Variants in FRMPD4 observed in about 807,000 individuals in gnomAD.
FRMPD4 encodes the protein FERM and PDZ domain containing 4, also known as FERM and PDZ domain-containing protein 4.
A neutral mutation model predicts 94.1 loss-of-function variants in FRMPD4; 22 were observed. The ratio of observed to expected loss-of-function variants is 0.23; its 90% CI spans 0.17 to 0.33. FRMPD4 has a LOEUF of 0.33. FRMPD4 is among the 10% of genes least tolerant of loss of function. The pLI is 1.00. For missense variants in FRMPD4, 1,111 were observed against 1,339.9 expected (o/e 0.83, Z 2.67); for synonymous variants, 631 against 548.6 (o/e 1.15, Z -2.10).
chrX:12,079,230 C>T (rs1174916962), intron 3 of FRMPD4, among the ~76,000 whole-genome samples: 2 of 110,495 alleles, frequency 1.8e-5, no homozygotes, highest in Non-Finnish European at 3.8e-5. Flanking sequence ...GGTATTGTAG[C>T]ACCAGAAGCC....
At chrX:12,020,649 C>T (rs999411902) in intron 3 of FRMPD4, among the ~76,000 whole-genome samples, 3 of 112,200 alleles carry the variant, frequency 2.7e-5, no homozygotes, top group African/African-American at 9.7e-5. Context: ...AATTGAGTTA[C>T]ATATGTATGT....
intron 1 of FRMPD4, among the ~76,000 whole-genome samples, chrX:12,229,410 A>G (rs898231103): frequency 9.0e-6 from 1 of 111,650 alleles, no homozygotes; most frequent in African/African-American, 3.3e-5. Context: ...GCCAACTATG[A>G]AGGACCCAGT....
chrX:12,673,742 C>T (rs1226556016), intron 4 of FRMPD4, among the ~76,000 whole-genome samples: 1 of 111,683 alleles, frequency 9.0e-6, no homozygotes, highest in Non-Finnish European at 1.9e-5. Context: ...TTCCTGCCCC[C>T]ACCAGCACCA....
intron 1 of FRMPD4, among the ~76,000 whole-genome samples, chrX:12,395,171 G>A (rs1250155114): frequency 8.9e-6 from 1 of 112,276 alleles, no homozygotes; most frequent in African/African-American, 3.2e-5. Context: ...AATTGGTTAA[G>A]CTCTGTTCAC....
chrX:12,686,873 C>G (rs140104882), intron 7 of FRMPD4, among the ~76,000 whole-genome samples: 1 of 111,747 alleles, frequency 8.9e-6, no homozygotes, highest in African/African-American at 3.2e-5. Flanking sequence ...TACAGAGTCT[C>G]TTCCTTTTAT....
At chrX:12,124,282 T>C (rs1321231218) in intron 3 of FRMPD4, among the ~76,000 whole-genome samples, 1 of 112,194 alleles carries the variant, frequency 8.9e-6, no homozygotes, top group African/African-American at 3.2e-5. Flanking sequence ...CTTATAAAAG[T>C]TGAAAATATG....
chrX:12,024,163 T>C (rs751532159), intron 3 of FRMPD4, among the ~76,000 whole-genome samples: 272 of 112,199 alleles, frequency 2.4e-3, no homozygotes, highest in Non-Finnish European at 3.9e-3. Context: ...AGATTGTCTT[T>C]TTTTAGTTCT....
At chrX:12,164,050 T>TTA (rs1569175742) in intron 1 of FRMPD4, among the ~76,000 whole-genome samples, 1 of 111,532 alleles carries the variant, frequency 9.0e-6, no homozygotes, top group East Asian at 2.8e-4. Flanking sequence ...TAGTTTTTTT[T>TTA]TTATTATTAT....
chrX:12,541,744 G>A (rs1360032139), intron 2 of FRMPD4, among the ~76,000 whole-genome samples: 1 of 111,836 alleles, frequency 8.9e-6, no homozygotes, highest in Non-Finnish European at 1.9e-5. Flanking sequence ...ATTTTATGAG[G>A]CCAGCATCAT....
chrX:11,932,328 T>C (rs1372095035), intron 3 of FRMPD4, among the ~76,000 whole-genome samples: 4 of 112,147 alleles, frequency 3.6e-5, no homozygotes, highest in Non-Finnish European at 7.5e-5. Flanking sequence ...TAATTCTTCA[T>C]TCGTAAATCA....
chrX:12,024,125 A>T (rs1403430629), intron 3 of FRMPD4, among the ~76,000 whole-genome samples: 2 of 111,920 alleles, frequency 1.8e-5, no homozygotes, highest in African/African-American at 3.2e-5. Flanking sequence ...TCTTTTATCT[A>T]TAATCTGTAC....
chrX:12,467,054 T>C (rs1040703191), intron 1 of FRMPD4, among the ~76,000 whole-genome samples: 2 of 111,478 alleles, frequency 1.8e-5, no homozygotes, highest in African/African-American at 6.5e-5. Flanking sequence ...GTGTCTGCTA[T>C]ATGAGTGCAT....
intron 1 of FRMPD4, among the ~76,000 whole-genome samples, chrX:12,438,191 T>A (rs2057091569): frequency 9.0e-6 from 1 of 110,780 alleles, no homozygotes; most frequent in Admixed American, 9.7e-5. Flanking sequence ...GGAAACTATT[T>A]CCACAATTTT....
chrX:11,828,663 T>A (rs2053457796), intron 1 of FRMPD4, among the ~76,000 whole-genome samples: 1 of 112,132 alleles, frequency 8.9e-6, no homozygotes, highest in Admixed American at 9.4e-5. Context: ...CCTACAGGAT[T>A]GCTAGCCCAC....
chrX:12,708,235 G>T (rs1370812537), intron 13 of FRMPD4, among the ~76,000 whole-genome samples: 1 of 110,746 alleles, frequency 9.0e-6, no homozygotes, highest in East Asian at 2.8e-4. Context: ...ACTTTGGGAG[G>T]CCGAGGCGGG....
intron 3 of FRMPD4, among the ~76,000 whole-genome samples, chrX:11,887,113 A>G (rs1043502621): frequency 1.2e-4 from 14 of 112,072 alleles, no homozygotes; most frequent in Non-Finnish European, 2.4e-4. Context: ...AACTTCTTCA[A>G]TCTTGGCCTT....
rs1161415925 is a variant in FRMPD4 at position 12,458,923 on chromosome X, A to AAATG, written c.42-39741_42-39738dup. Among the ~76,000 whole-genome samples the AAATG allele has an allele frequency of 9.4e-3, 1,050 of 111,866 alleles. 11 individuals are homozygous for AAATG. The highest frequency in any genetic ancestry group is 0.033 in the African/African-American group (1,010 of 30,755). ...TTTATAGATAGATACTCTATTTTAT[A>AAATG]AATGAATGAATGAATGAATAGAATG... is the stretch of plus-strand genomic sequence containing the variant. On this transcript the variant is annotated intron_variant, in intron 1 of 16. Transcript: ENST00000675598.
At chrX:11,967,755 TG>T (rs1190180104) in intron 3 of FRMPD4, among the ~76,000 whole-genome samples, 4 of 55,019 alleles carry the variant, frequency 7.3e-5, no homozygotes, top group Non-Finnish European at 8.0e-5. Context: ...TGTGTGTGTG[TG>T]TTTTTTTTTT....
intron 1 of FRMPD4, among the ~76,000 whole-genome samples, chrX:12,148,894 C>G (rs968154314): frequency 2.7e-5 from 3 of 112,182 alleles, no homozygotes; most frequent in African/African-American, 9.7e-5. Flanking sequence ...CATCTGTTTA[C>G]AGCATGGTTT....
Sources: allele counts gnomAD v4.1 joint callset (sites outside exome capture counted in the v4.1 genomes callset), GRCh38; gene constraint gnomAD v4.1.1; transcripts MANE v1.5; gene names NCBI Gene and HGNC (gene_info 2026-07-23, HGNC 2026-07-21).